BMP3: variants seen among roughly 807,000 people sequenced by gnomAD.
BMP3 encodes the protein bone morphogenetic protein 3.
A neutral mutation model predicts 38.1 loss-of-function variants in BMP3; 23 were observed. The ratio of observed to expected loss-of-function variants is 0.60; its 90% CI spans 0.43 to 0.86. The LOEUF (loss-of-function observed/expected upper bound fraction) is 0.86. Among genes scored for constraint, BMP3 ranks in the 40% least tolerant of loss-of-function variants. The pLI is 0.00. For missense variants in BMP3, 628 were observed against 579.6 expected (o/e 1.08, Z -0.86); for synonymous variants, 258 against 225.7 (o/e 1.14, Z -1.28).
intron 1 of BMP3, among the ~76,000 whole-genome samples, chr4:81,041,837 C>A (rs1740084365): frequency 1.3e-5 from 2 of 152,198 alleles, no homozygotes; most frequent in African/African-American, 4.8e-5. Context: ...AAGATTACTT[C>A]CTACCTGTGT....
rs916494983 is a variant in BMP3 at position 81,054,954 on chromosome 4, C to G, written c.*1418C>G. The G allele has an allele frequency of 6.6e-6, 1 of 152,148 alleles. No homozygotes were observed. Among genetic ancestry groups the G allele is most frequent in the African/African-American group, 2.4e-5 (1 of 41,454 alleles). The allele number at this position is 152,148 out of a possible 1,614,324, so 9.4% of individuals were successfully genotyped here. On this transcript the variant is annotated 3_prime_UTR_variant, in exon 3 of 3. Coordinates refer to ENST00000282701, the MANE Select transcript of BMP3 (RefSeq NM_001201.5). ...TTGGAGGCTGTGCAGTATCAGAAGA[C>G]GTGGAGTTTGTTCTGTCTCTGCCTG...
chr4:81,054,200 G>A lies in BMP3; in HGVS notation c.*664G>A, dbSNP rs1191649795. ...AGGATTCTTTATTTTTTTTAATTTT[G>A]TATTTTGGCAAACACCATTCAGTTA... is the stretch of plus-strand genomic sequence containing the variant. On this transcript the variant is annotated 3_prime_UTR_variant, in exon 3 of 3. Coordinates refer to ENST00000282701, the MANE Select transcript of BMP3 (RefSeq NM_001201.5). The A allele has an allele frequency of 6.6e-6, 1 of 152,212 alleles. No individual in the cohort carries two copies. The highest frequency in any genetic ancestry group is 1.9e-4 in the East Asian group (1 of 5,184). 9.4% of individuals were successfully genotyped at this position (152,212 alleles called of 1,614,324 possible). A position where few individuals can be genotyped will look rare whatever the true frequency, so the allele number is the denominator to read the frequency against.
At position 81,034,623 on chromosome 4, in the gene BMP3, C is replaced by T. The variant is rs545281550; in HGVS notation, c.316+3023C>T. Among the ~76,000 whole-genome samples, 94 of 152,196 alleles carry T rather than the reference C, an allele frequency of 6.2e-4. 1 individual carries two copies. In the South Asian group the frequency reaches 0.01, roughly 17 times the overall value. ...GGAAACTTTCACTATTCATGACATG[C>T]ACCCACCAAAATAGCACATTTTAGT... On this transcript the variant is annotated intron_variant, in intron 1 of 2. Transcript: ENST00000282701.
intron 1 of BMP3, among the ~76,000 whole-genome samples, chr4:81,037,660 C>A (rs1739957271): frequency 6.6e-6 from 1 of 152,088 alleles, no homozygotes. Context: ...AAGCATTAAA[C>A]ATATCTCAAA....
intron 2 of BMP3, among the ~76,000 whole-genome samples, chr4:81,048,439 T>C (rs1266513078): frequency 6.6e-6 from 1 of 152,200 alleles, no homozygotes. Context: ...GGAAGTAGTT[T>C]TTCCCTTTTC....
intron 1 of BMP3, among the ~76,000 whole-genome samples, chr4:81,031,957 A>AT (rs1351723801): frequency 6.6e-6 from 1 of 152,064 alleles, no homozygotes; most frequent in African/African-American, 2.4e-5. Flanking sequence ...TATTCTGTTG[A>AT]TTCCTAAATC....
intron 1 of BMP3, among the ~76,000 whole-genome samples, chr4:81,044,648 T>C (rs182191532): frequency 6.6e-6 from 1 of 152,344 alleles, no homozygotes; most frequent in East Asian, 1.9e-4. Flanking sequence ...TCCCTTTGGC[T>C]TCTGGCAAAC....
intron 1 of BMP3, among the ~76,000 whole-genome samples, chr4:81,042,157 C>T (rs1284695837): frequency 6.6e-6 from 1 of 152,158 alleles, no homozygotes; most frequent in Non-Finnish European, 1.5e-5. Context: ...CTTTAACACA[C>T]ACTGGCTTAA....
intron 2 of BMP3, among the ~76,000 whole-genome samples, chr4:81,052,982 T>A (rs1226569228): frequency 6.6e-6 from 1 of 152,138 alleles, no homozygotes; most frequent in African/African-American, 2.4e-5. Flanking sequence ...GGCTAAGTTG[T>A]TTGTAATTAA....
chr4:81,038,386 T>G (rs1739977819), intron 1 of BMP3, among the ~76,000 whole-genome samples: 1 of 152,156 alleles, frequency 6.6e-6, no homozygotes, highest in Non-Finnish European at 1.5e-5. Flanking sequence ...CAATTCATCT[T>G]TGTGTTCTGA....
chr4:81,031,663 C>CA, intron 1 of BMP3, 63 bp downstream of exon 1: 1 of 1,472,002 alleles, frequency 6.8e-7, no homozygotes, highest in Non-Finnish European at 9.0e-7. Flanking sequence ...CGGGACCCCC[C>CA]ACAGCTTCCT....
At chr4:81,042,176 G>A (rs1740095771) in intron 1 of BMP3, among the ~76,000 whole-genome samples, 1 of 152,154 alleles carries the variant, frequency 6.6e-6, no homozygotes, top group Admixed American at 6.6e-5. Flanking sequence ...AATATAAAAT[G>A]TATTGCTACG....
In BMP3 at chr4:81,046,250, A is replaced by G. The variant is rs1326820515; in HGVS notation, c.829A>G (p.Ile277Val). 6.2e-7 allele frequency: 1 copy of G among 1,614,006 alleles called. No individual in the cohort carries two copies. The highest frequency in any genetic ancestry group is 8.5e-7 in the Non-Finnish European group (1 of 1,180,034). Residue 277 changes from isoleucine to valine, a missense_variant, in exon 2 of 3, where the codon ATC becomes GTC. Physicochemically the swap from Ile to Val is conservative, Grantham distance 29. Transcript: ENST00000282701. Reference sequence around the variant, plus strand: ...AACTGTTCCCAAATGGGATAGCCACATCAGAGCTGCCCTTTCCATTGAGCG... The same window carrying G: ...AACTGTTCCCAAATGGGATAGCCACGTCAGAGCTGCCCTTTCCATTGAGCG... The part of the protein sequence containing the change: ...TGTVPKWDSH[I>V]RAALSIERRK...
Position 81,046,163 on chromosome 4 carries a change from G to T in BMP3, c.742G>T (p.Ala248Ser). 6.2e-7 allele frequency: 1 copy of T among 1,614,032 alleles called. No homozygotes were observed. Among genetic ancestry groups the T allele is most frequent in the Admixed American group, 1.7e-5 (1 of 60,000 alleles). ...PYILVYANDAAISEPESVVSS... is the reference protein window; with the variant it reads ...PYILVYANDASISEPESVVSS... ...TATCTTGGTATATGCCAATGATGCC[G>T]CCATTTCTGAGCCAGAAAGTGTGGT... The change falls in exon 2 of 3, where the codon GCC becomes TCC. Residue 248 changes from alanine (A) to serine (S), a missense_variant. Ala to Ser is a moderately conservative substitution (Grantham distance 99). Transcript: ENST00000282701.
intron 1 of BMP3, among the ~76,000 whole-genome samples, chr4:81,032,314 G>A (rs888898972): frequency 1.1e-4 from 17 of 151,906 alleles, no homozygotes; most frequent in Admixed American, 1.0e-3. Context: ...AGGGGAGGGA[G>A]CAACCCTGGA....
rs748258213 is a variant in BMP3 at position 81,053,334 on chromosome 4, T to G, written c.1228-11T>G. On this transcript the variant is annotated splice_polypyrimidine_tract_variant and intron_variant, in intron 2 of 2. Transcript: ENST00000282701. ...CTAACATATGTGTTCTTCTTTCATT[T>G]CTTTCTCTAGTCTTTGAAGCCATCA... 2 of 1,532,962 alleles carry G rather than the reference T, an allele frequency of 1.3e-6. No individual in the cohort carries two copies. The highest frequency in any genetic ancestry group is 1.7e-6 in the Non-Finnish European group (2 of 1,143,716). 95.0% of individuals were successfully genotyped at this position (1,532,962 alleles called of 1,614,324 possible). A position where few individuals can be genotyped will look rare whatever the true frequency, so the allele number is the denominator to read the frequency against.
At chr4:81,039,512 C>G (rs954206782) in intron 1 of BMP3, among the ~76,000 whole-genome samples, 1 of 152,140 alleles carries the variant, frequency 6.6e-6, no homozygotes, top group African/African-American at 2.4e-5. Flanking sequence ...TGAAGTGTTG[C>G]AATAGCATGG....
chr4:81,035,066 A>T (rs868695696), intron 1 of BMP3, among the ~76,000 whole-genome samples: 2 of 152,120 alleles, frequency 1.3e-5, no homozygotes, highest in Non-Finnish European at 2.9e-5. Flanking sequence ...TTTAAAGGAC[A>T]ATAGTACATC....
In BMP3 at chr4:81,056,160, A is replaced by G. The variant is rs1701028980; in HGVS notation, c.*2624A>G. On this transcript the variant is annotated 3_prime_UTR_variant, in exon 3 of 3. Coordinates refer to ENST00000282701, the MANE Select transcript of BMP3 (RefSeq NM_001201.5). ...ATAATTCCTACACAGAAGCTTTAGA[A>G]ATCTCCTGATATTAAATTATTAAAT... 1 of 152,106 alleles carries G rather than the reference A, an allele frequency of 6.6e-6. No homozygotes were observed. Among genetic ancestry groups the G allele is most frequent in the South Asian group, 2.1e-4 (1 of 4,826 alleles). 9.4% of individuals were successfully genotyped at this position (152,106 alleles called of 1,614,324 possible). A position where few individuals can be genotyped will look rare whatever the true frequency, so the allele number is the denominator to read the frequency against.
Sources: allele counts gnomAD v4.1 joint callset (sites outside exome capture counted in the v4.1 genomes callset), GRCh38; gene constraint gnomAD v4.1.1; transcripts MANE v1.5; gene names NCBI Gene and HGNC (gene_info 2026-07-23, HGNC 2026-07-21).